ADGRL3: variants seen among roughly 807,000 people sequenced by gnomAD.
ADGRL3 encodes the protein calcium-independent alpha-latrotoxin receptor 3.
Under a neutral mutation model 153.5 loss-of-function variants are expected in ADGRL3, and 62 were observed. The observed-to-expected ratio is 0.40, with a 90% CI of 0.33 to 0.50. The LOEUF is 0.50. Among genes scored for constraint, ADGRL3 ranks in the 20% least tolerant of loss-of-function variants. The pLI is 0.47. For missense variants in ADGRL3, 1,641 were observed against 1,859.4 expected, an observed-to-expected ratio of 0.88 and a Z score of 2.16; for synonymous variants, 710 against 672.5, an observed-to-expected ratio of 1.06 and a Z score of -0.86.
intron 8 of ADGRL3, among the ~76,000 whole-genome samples, chr4:61,786,587 A>T (rs2097278895): frequency 6.6e-6 from 1 of 152,202 alleles, no homozygotes; most frequent in African/African-American, 2.4e-5. Context: ...CCATCGGAGT[A>T]TTACACTTCC....
intron 24 of ADGRL3, among the ~76,000 whole-genome samples, chr4:62,041,926 G>T (rs1728541444): frequency 6.6e-6 from 1 of 152,038 alleles, no homozygotes; most frequent in Non-Finnish European, 1.5e-5. Context: ...GCATTCCAAT[G>T]CTGGTTATAA....
intron 9 of ADGRL3, among the ~76,000 whole-genome samples, chr4:61,826,916 T>TA (rs34335394): frequency 2.4e-4 from 36 of 149,934 alleles, no homozygotes; most frequent in South Asian, 4.2e-4. Flanking sequence ...TAAAGTATAA[T>TA]AAAAAAAAAA....
rs576056746 is a variant in ADGRL3 at position 61,951,323 on chromosome 4, A to C, written c.2805+3047A>C. ...TTCTGCACCTGTACATGGCAGTGTC[A>C]GGGGAGCCGACTCCTGGCTCACAGT... is the stretch of plus-strand genomic sequence containing the variant. On this transcript the variant is annotated intron_variant, in intron 17 of 26. Transcript: ENST00000683033. Among the ~76,000 whole-genome samples the C allele has an allele frequency of 3.3e-5, 5 of 152,144 alleles. No homozygotes were observed. In the East Asian group the frequency reaches 9.7e-4, roughly 29 times the overall value.
intron 21 of ADGRL3, among the ~76,000 whole-genome samples, chr4:62,018,672 G>C (rs1027188494): frequency 6.6e-6 from 1 of 152,128 alleles, no homozygotes; most frequent in Non-Finnish European, 1.5e-5. Context: ...TGGGATTGGC[G>C]TAGGAAGGAC....
intron 2 of ADGRL3, among the ~76,000 whole-genome samples, chr4:61,461,031 G>A (rs762999889): frequency 2.8e-4 from 42 of 152,174 alleles, no homozygotes; most frequent in South Asian, 2.3e-3. Context: ...GATTGCACCA[G>A]TGCACTCCAG....
intron 1 of ADGRL3, among the ~76,000 whole-genome samples, chr4:61,289,132 C>T (rs1410469163): frequency 1.3e-5 from 2 of 151,862 alleles, no homozygotes; most frequent in Non-Finnish European, 1.5e-5. Flanking sequence ...ACAGACTTAT[C>T]ATATTTTCTT....
At chr4:61,479,521 A>C (rs1209465273) in intron 2 of ADGRL3, among the ~76,000 whole-genome samples, 1 of 152,128 alleles carries the variant, frequency 6.6e-6, no homozygotes, top group Non-Finnish European at 1.5e-5. Context: ...GATCTATTGT[A>C]TGAAAGCCTT....
At chr4:61,300,226 G>A (rs1252604675) in intron 1 of ADGRL3, among the ~76,000 whole-genome samples, 1 of 152,118 alleles carries the variant, frequency 6.6e-6, no homozygotes, top group Non-Finnish European at 1.5e-5. Context: ...ATACAAATGT[G>A]TCTAAAGGGT....
intron 8 of ADGRL3, among the ~76,000 whole-genome samples, chr4:61,786,826 A>C (rs1009403623): frequency 1.3e-5 from 2 of 152,210 alleles, no homozygotes; most frequent in Non-Finnish European, 2.9e-5. Flanking sequence ...TTATTAATGT[A>C]TAAATAAAAT....
intron 8 of ADGRL3, among the ~76,000 whole-genome samples, chr4:61,773,717 A>C (rs2097112360): frequency 6.6e-6 from 1 of 152,194 alleles, no homozygotes; most frequent in Non-Finnish European, 1.5e-5. Flanking sequence ...TTAGACTGAC[A>C]AAAGACAGAT....
chr4:61,782,268 C>G (rs997849206), intron 8 of ADGRL3, among the ~76,000 whole-genome samples: 1 of 152,102 alleles, frequency 6.6e-6, no homozygotes, highest in African/African-American at 2.4e-5. Flanking sequence ...TTCACTGATT[C>G]AGTCAGTAGC....
chr4:61,878,578 G>T (rs531260528), intron 9 of ADGRL3, among the ~76,000 whole-genome samples: 1 of 152,300 alleles, frequency 6.6e-6, no homozygotes, highest in South Asian at 2.1e-4. Flanking sequence ...AGATGAAGTA[G>T]GGTGATCTCC....
chr4:61,315,282 C>T (rs927577748), intron 1 of ADGRL3, among the ~76,000 whole-genome samples: 12 of 152,180 alleles, frequency 7.9e-5, no homozygotes. Flanking sequence ...CCCTTACTTA[C>T]TTGTGATCTA....
At chr4:61,574,359 ATTAAT>A (rs1286181685) in intron 4 of ADGRL3, among the ~76,000 whole-genome samples, 1 of 152,000 alleles carries the variant, frequency 6.6e-6, no homozygotes, top group Non-Finnish European at 1.5e-5. Context: ...ATAAAAATTT[ATTAAT>A]TTATCACTTT....
At chr4:61,941,162 T>C (rs1175437838) in intron 15 of ADGRL3, among the ~76,000 whole-genome samples, 1 of 90,876 alleles carries the variant, frequency 1.1e-5, no homozygotes, top group African/African-American at 4.6e-5. Flanking sequence ...CTAGCCAGTT[T>C]TCCCAGCACC....
At chr4:61,882,816 A>T (rs977437635) in intron 9 of ADGRL3, among the ~76,000 whole-genome samples, 4 of 152,158 alleles carry the variant, frequency 2.6e-5, no homozygotes, top group African/African-American at 7.2e-5. Context: ...CACCCACTTA[A>T]TACTTGCAGC....
chr4:62,011,824 C>T (rs1046989360), intron 21 of ADGRL3, among the ~76,000 whole-genome samples: 5 of 151,984 alleles, frequency 3.3e-5, no homozygotes, highest in Non-Finnish European at 5.9e-5. Context: ...TCAGAAAATA[C>T]AATTTCTTCT....
chr4:61,917,682 A>G (rs566951114), intron 13 of ADGRL3, among the ~76,000 whole-genome samples: 1 of 148,018 alleles, frequency 6.8e-6, no homozygotes, highest in Non-Finnish European at 1.5e-5. Context: ...GACTCTAGTC[A>G]TGGGATGGGG....
intron 2 of ADGRL3, among the ~76,000 whole-genome samples, chr4:61,462,889 G>A (rs188206277): frequency 1.1e-3 from 167 of 152,226 alleles, no homozygotes; most frequent in Admixed American, 4.3e-3. Flanking sequence ...AAGAGATTAA[G>A]GATTAGTCAT....
Sources: gnomAD v4.1 joint callset for allele counts (sites outside exome capture counted in the v4.1 genomes callset) on GRCh38, gnomAD v4.1.1 for gene constraint, MANE v1.5 for transcripts, NCBI Gene and HGNC (gene_info 2026-07-23, HGNC 2026-07-21) for gene names.